Variants in DOCK2 observed in about 807,000 individuals in gnomAD.
DOCK2 encodes dedicator of cytokinesis 2.
In DOCK2, 87 loss-of-function variants were observed where a neutral mutation model predicts 248.9. That is an observed-to-expected ratio of 0.35 (90% CI 0.29 to 0.42). The LOEUF (loss-of-function observed/expected upper bound fraction) is 0.42, where lower values mean the gene tolerates loss of function less well. DOCK2 is among the 10% of genes least tolerant of loss of function. The pLI is 1.00. For synonymous variants in DOCK2, 805 were observed against 821.6 expected (o/e 0.98, Z 0.35); for missense variants, 1,747 against 2,300.2 (o/e 0.76, Z 4.92).
rs375525013 is a variant in DOCK2 at position 169,931,138 on chromosome 5, T to C, written c.2800-51930T>C. 3.0e-4 allele frequency among the ~76,000 whole-genome samples: 46 copies of C among 152,294 alleles called. 1 individual carries two copies. Among genetic ancestry groups the C allele is most frequent in the South Asian group, 2.1e-3 (10 of 4,826 alleles). On this transcript the variant is annotated intron_variant, in intron 27 of 51. Transcript: ENST00000520908. Reference sequence around the variant, plus strand: ...ATGATGCTACTAACACCCTTGATCTTAGGATTAAGCATTGTCTGGGATATT... The same window carrying C: ...ATGATGCTACTAACACCCTTGATCTCAGGATTAAGCATTGTCTGGGATATT...
At chr5:169,895,541 T>C (rs1426834987) in intron 27 of DOCK2, among the ~76,000 whole-genome samples, 1 of 152,062 alleles carries the variant, frequency 6.6e-6, no homozygotes, top group East Asian at 1.9e-4. Context: ...CCTCTTCTTT[T>C]GGGGGTAGGA....
chr5:169,909,997 T>G (rs1045385281), intron 27 of DOCK2, among the ~76,000 whole-genome samples: 6 of 152,206 alleles, frequency 3.9e-5, no homozygotes, highest in African/African-American at 1.2e-4. Flanking sequence ...TTAATGACTC[T>G]GCAAGTCATC....
At chr5:169,989,896 T>C (rs545215768) in intron 29 of DOCK2, among the ~76,000 whole-genome samples, 29 of 152,354 alleles carry the variant, frequency 1.9e-4, no homozygotes, top group Non-Finnish European at 2.8e-4. Context: ...ATAGCCAAAC[T>C]ACTTCACTGA....
chr5:169,985,754 A>G, intron 28 of DOCK2, 74 bp from the exon 29 acceptor site: 3 of 1,305,764 alleles, frequency 2.3e-6, no homozygotes, highest in Non-Finnish European at 2.1e-6. Flanking sequence ...TAATAGCAAA[A>G]AAATTTGAAG....
intron 27 of DOCK2, among the ~76,000 whole-genome samples, chr5:169,902,429 A>T (rs983630298): frequency 2.0e-5 from 3 of 152,230 alleles, no homozygotes; most frequent in Non-Finnish European, 4.4e-5. Context: ...TGAATAGTCC[A>T]GCAGGGCCTT....
chr5:170,042,176 G>A, intron 38 of DOCK2, 44 bp downstream of exon 38: 1 of 1,558,718 alleles, frequency 6.4e-7, no homozygotes, highest in Non-Finnish European at 8.7e-7. Context: ...CTGGCCACTG[G>A]AAGGATGGTT....
At chr5:169,672,394 A>G (rs7713640) in intron 5 of DOCK2, among the ~76,000 whole-genome samples, 30,876 of 152,092 alleles carry the variant, frequency 0.2, 3,445 homozygotes, top group South Asian at 0.31. Context: ...CAGTAAGTCC[A>G]TTTACTCTAG....
intron 27 of DOCK2, among the ~76,000 whole-genome samples, chr5:169,914,888 A>G (rs1485566570): frequency 6.6e-6 from 1 of 152,242 alleles, no homozygotes; most frequent in East Asian, 1.9e-4. Flanking sequence ...AGACTGACAT[A>G]ACTGTTGTTG....
intron 8 of DOCK2, among the ~76,000 whole-genome samples, chr5:169,684,838 A>T (rs1330180606): frequency 6.6e-5 from 10 of 152,146 alleles, no homozygotes; most frequent in Non-Finnish European, 1.2e-4. Context: ...TTATAGAGGC[A>T]GGGTCTTGCT....
intron 8 of DOCK2, among the ~76,000 whole-genome samples, chr5:169,685,005 G>A (rs1759883614): frequency 6.6e-6 from 1 of 152,202 alleles, no homozygotes; most frequent in South Asian, 2.1e-4. Flanking sequence ...CTCTGTAGCA[G>A]CAATAGGCTA....
At chr5:169,912,004 C>T (rs1398289304) in intron 27 of DOCK2, among the ~76,000 whole-genome samples, 6 of 152,098 alleles carry the variant, frequency 3.9e-5, no homozygotes, top group Non-Finnish European at 8.8e-5. Flanking sequence ...AGCCAAGATC[C>T]CTAACACTAG....
At chr5:169,734,629 A>C (rs1314803071) in intron 22 of DOCK2, among the ~76,000 whole-genome samples, 1 of 152,248 alleles carries the variant, frequency 6.6e-6, no homozygotes, top group Non-Finnish European at 1.5e-5. Context: ...AAAACAAAAC[A>C]CAGGTCAGGA....
intron 26 of DOCK2, among the ~76,000 whole-genome samples, chr5:169,823,905 T>C (rs921881181): frequency 3.9e-5 from 6 of 152,200 alleles, no homozygotes; most frequent in Admixed American, 1.3e-4. Context: ...CTTAAGCTGA[T>C]AAACAACTTC....
chr5:169,747,422 A>G lies in DOCK2; in HGVS notation c.2294A>G (p.Glu765Gly). 6.2e-7 allele frequency: 1 copy of G among 1,613,658 alleles called. No homozygotes were observed. Among genetic ancestry groups the G allele is most frequent in the Non-Finnish European group, 8.5e-7 (1 of 1,179,782 alleles). Residue 765 changes from glutamate (E) to glycine (G), a missense_variant, in exon 23 of 52, where the codon GAG (glutamate) becomes GGG (glycine). Physicochemically the swap from Glu to Gly is moderately conservative, Grantham distance 98. Around this residue, in one of 4 missense-constraint regions of DOCK2, gnomAD observed 858 missense variants for 1,183.5 expected, o/e 0.72. Coordinates refer to ENST00000520908, the MANE Select transcript of DOCK2 (RefSeq NM_004946.3). ...SQLYEGKEQM[E>G]FEESMRRLFE... ...CTTTATGAAGGCAAAGAACAGATGG[A>G]GTTTGAAGAATCCATGAGACGGCTC... is the stretch of plus-strand genomic sequence containing the variant.
At chr5:169,894,055 C>T (rs1773449060) in intron 27 of DOCK2, among the ~76,000 whole-genome samples, 1 of 152,152 alleles carries the variant, frequency 6.6e-6, no homozygotes, top group African/African-American at 2.4e-5. Flanking sequence ...AAATACTAGT[C>T]GTTGTACTAA....
intron 26 of DOCK2, among the ~76,000 whole-genome samples, chr5:169,833,527 T>A (rs1334259218): frequency 6.6e-6 from 1 of 152,034 alleles, no homozygotes; most frequent in Non-Finnish European, 1.5e-5. Context: ...CCCCTGCAAG[T>A]CAGGGTGAAG....
chr5:169,746,258 G>C (rs1763605790), intron 22 of DOCK2, among the ~76,000 whole-genome samples: 2 of 152,062 alleles, frequency 1.3e-5, no homozygotes, highest in Non-Finnish European at 2.9e-5. Flanking sequence ...CACTCAAGAA[G>C]ATAAACAGAA....
intron 32 of DOCK2, among the ~76,000 whole-genome samples, chr5:170,014,480 C>CT: frequency 6.6e-6 from 1 of 151,738 alleles, no homozygotes; most frequent in South Asian, 2.1e-4. Flanking sequence ...TTTTGTTTTC[C>CT]TTTTTTGGGT....
chr5:169,762,035 C>T (rs934423254), intron 25 of DOCK2, among the ~76,000 whole-genome samples: 8 of 151,798 alleles, frequency 5.3e-5, no homozygotes, highest in African/African-American at 1.5e-4. Flanking sequence ...AGACCTAGCT[C>T]GAAGAGTCTA....
Sources: gnomAD v4.1 joint callset for allele counts (sites outside exome capture counted in the v4.1 genomes callset) on GRCh38, gnomAD v4.1.1 for gene constraint, gnomAD v4.1.1 regional missense constraint, MANE v1.5 for transcripts, NCBI Gene and HGNC (gene_info 2026-07-23, HGNC 2026-07-21) for gene names.